Variants in BASP1 observed in about 807,000 individuals in gnomAD.
BASP1 encodes the protein brain abundant membrane attached signal protein 1, also known as brain acid soluble protein 1.
In BASP1, 1 loss-of-function variant was observed where a neutral mutation model predicts 2.2. The observed-to-expected ratio is 0.46, with a 90% CI of 0.16 to 2.17. The LOEUF (loss-of-function observed/expected upper bound fraction) is 2.17. Among genes scored for constraint, BASP1 ranks in the 30% most tolerant of loss-of-function variants. The pLI, the probability that BASP1 is intolerant of heterozygous loss-of-function variation, is 0.27. For synonymous variants in BASP1, 187 were observed against 154.2 expected, an observed-to-expected ratio of 1.21 and a Z score of -1.58; for missense variants, 352 against 327.2, an observed-to-expected ratio of 1.08 and a Z score of -0.58.
rs1375343599 is a variant in BASP1, at chr5:17,222,385, AAACCACAGCAG to A, written c.-10+4576_-10+4586del. 6.6e-5 allele frequency among the ~76,000 whole-genome samples: 10 copies of A among 152,320 alleles called. No homozygotes were observed. The East Asian group carries it at 1.7e-3, about 26-fold the overall frequency. Reference sequence around the variant, plus strand: ...TTGAGAAAATACAAGGGTAGTCTTGAAACCACAGCAGTGCCCAGCCTGCCAAAGGAAGGCTT... The same window carrying A: ...TTGAGAAAATACAAGGGTAGTCTTGATGCCCAGCCTGCCAAAGGAAGGCTT... On this transcript the variant is annotated intron_variant, in intron 1 of 1. Coordinates refer to ENST00000322611, the MANE Select transcript of BASP1 (RefSeq NM_006317.5).
At chr5:17,249,287 C>A (rs1740054155) in intron 1 of BASP1, among the ~76,000 whole-genome samples, 1 of 152,110 alleles carries the variant, frequency 6.6e-6, no homozygotes, top group East Asian at 1.9e-4. Context: ...CATCCAGAAG[C>A]AAATTTGGTC....
intron 1 of BASP1, among the ~76,000 whole-genome samples, chr5:17,267,896 C>G (rs999084648): frequency 7.3e-6 from 1 of 136,792 alleles, no homozygotes; most frequent in African/African-American, 2.7e-5. Flanking sequence ...GTTGAAATGA[C>G]GTATGAAGAC....
At chr5:17,267,535 C>A (rs977111779) in intron 1 of BASP1, among the ~76,000 whole-genome samples, 1 of 147,704 alleles carries the variant, frequency 6.8e-6, no homozygotes, top group African/African-American at 2.5e-5. Context: ...TTTTTTGAGA[C>A]GAAGTCTTGC....
chr5:17,239,511 A>G (rs931011543), intron 1 of BASP1, among the ~76,000 whole-genome samples: 1 of 152,216 alleles, frequency 6.6e-6, no homozygotes, highest in Non-Finnish European at 1.5e-5. Flanking sequence ...GTGTTAGTAC[A>G]TGGAACAGAA....
At chr5:17,245,126 A>AC (rs1298142520) in intron 1 of BASP1, among the ~76,000 whole-genome samples, 1 of 149,958 alleles carries the variant, frequency 6.7e-6, no homozygotes, top group African/African-American at 2.5e-5. Flanking sequence ...ATATGATGAA[A>AC]CCCCGTCTCT....
rs1740659176 is a variant in BASP1 at position 17,276,213 on chromosome 5, G to C, written c.*313G>C. 1 of 231,694 alleles carries C rather than the reference G, an allele frequency of 4.3e-6. No homozygotes were observed. 14.4% of individuals were successfully genotyped at this position (231,694 alleles called of 1,614,324 possible). On this transcript the variant is annotated 3_prime_UTR_variant, in exon 2 of 2. Transcript: ENST00000322611. ...GGATTTCCAAGATCCGCGTCTGAAAGTGCAGTACATCGTTTGTACCTGAAA... is the reference window on the plus strand; with the variant it reads ...GGATTTCCAAGATCCGCGTCTGAAACTGCAGTACATCGTTTGTACCTGAAA...
At chr5:17,225,209 TACTC>T (rs759751970) in intron 1 of BASP1, among the ~76,000 whole-genome samples, 1 of 152,112 alleles carries the variant, frequency 6.6e-6, no homozygotes, top group Non-Finnish European at 1.5e-5. Context: ...GAGTCACTCT[TACTC>T]ACTGTCTGCA....
At chr5:17,263,180 A>G (rs1055164840) in intron 1 of BASP1, among the ~76,000 whole-genome samples, 3 of 152,126 alleles carry the variant, frequency 2.0e-5, no homozygotes, top group Non-Finnish European at 2.9e-5. Context: ...CTAATTCTGA[A>G]CATCAGAAGT....
At chr5:17,265,691 G>C (rs978084425) in intron 1 of BASP1, among the ~76,000 whole-genome samples, 1 of 152,114 alleles carries the variant, frequency 6.6e-6, no homozygotes, top group Non-Finnish European at 1.5e-5. Flanking sequence ...CAAACAACCT[G>C]TTTAGTAAGT....
intron 1 of BASP1, among the ~76,000 whole-genome samples, chr5:17,250,330 G>A (rs964525035): frequency 7.9e-5 from 12 of 152,184 alleles, no homozygotes; most frequent in Non-Finnish European, 1.3e-4. Flanking sequence ...TAAAAAGTGT[G>A]TTCTTTGATG....
At chr5:17,257,609 C>G (rs1237048308) in intron 1 of BASP1, among the ~76,000 whole-genome samples, 1 of 152,186 alleles carries the variant, frequency 6.6e-6, no homozygotes, top group Non-Finnish European at 1.5e-5. Context: ...GTTGAGTTCA[C>G]TGAGGCTGAC....
At position 17,266,356 on chromosome 5, in the gene BASP1, G is replaced by A. The variant is rs940964511; in HGVS notation, c.-9-8852G>A. ...TGAGAGGCATTTTTTCTGTTCCTTCGCCACCTCTCCCTCCCTTGCTTGCTC... is the reference window on the plus strand; with the variant it reads ...TGAGAGGCATTTTTTCTGTTCCTTCACCACCTCTCCCTCCCTTGCTTGCTC... On this transcript the variant is annotated intron_variant, in intron 1 of 1. Coordinates refer to ENST00000322611, the MANE Select transcript of BASP1 (RefSeq NM_006317.5). 4.6e-5 allele frequency among the ~76,000 whole-genome samples: 7 copies of A among 152,128 alleles called. No homozygotes were observed. In the East Asian group the frequency reaches 1.2e-3, roughly 25 times the overall value.
At chr5:17,259,061 C>A (rs570313460) in intron 1 of BASP1, among the ~76,000 whole-genome samples, 1 of 152,236 alleles carries the variant, frequency 6.6e-6, no homozygotes, top group African/African-American at 2.4e-5. Flanking sequence ...TAAAGATAAA[C>A]CCGAGACTGG....
chr5:17,240,546 G>A (rs1022608113), intron 1 of BASP1: 10 of 151,740 alleles, frequency 6.6e-5, no homozygotes, highest in African/African-American at 2.2e-4. Context: ...ATAAAATAAA[G>A]TAAAATAAAA....
intron 1 of BASP1, among the ~76,000 whole-genome samples, chr5:17,265,244 A>G (rs1425397035): frequency 6.6e-6 from 1 of 152,174 alleles, no homozygotes; most frequent in East Asian, 1.9e-4. Flanking sequence ...GCAAGGTTGC[A>G]TTTTCTGAAG....
intron 1 of BASP1, among the ~76,000 whole-genome samples, chr5:17,263,516 T>C (rs1740359835): frequency 6.6e-6 from 1 of 152,220 alleles, no homozygotes. Flanking sequence ...TTATGCATTT[T>C]GGATTTTTGA....
chr5:17,242,840 A>G (rs1378411868), intron 1 of BASP1, among the ~76,000 whole-genome samples: 1 of 151,368 alleles, frequency 6.6e-6, no homozygotes, highest in Non-Finnish European at 1.5e-5. Flanking sequence ...AAAAAAGTCA[A>G]CTCAGTTTAA....
intron 1 of BASP1, among the ~76,000 whole-genome samples, chr5:17,274,017 T>C (rs752556999): frequency 2.0e-5 from 3 of 152,214 alleles, no homozygotes; most frequent in Non-Finnish European, 2.9e-5. Context: ...GCCATGGTTC[T>C]GGATGAAATT....
chr5:17,251,212 A>G lies in BASP1; in HGVS notation c.-9-23996A>G, dbSNP rs1740096580. On this transcript the variant is annotated intron_variant, in intron 1 of 1. Coordinates refer to ENST00000322611, the MANE Select transcript of BASP1 (RefSeq NM_006317.5). This position sits in a 1 kb window ranked among gnomAD's most constrained non-coding sequence, Gnocchi z 4.0. ...ATATATAATGTGATTATATGTCAAT[A>G]CAAAACCATTAAATATCCCAAATAC... is the stretch of plus-strand genomic sequence containing the variant. Among the ~76,000 whole-genome samples the G allele has an allele frequency of 1.3e-5, 2 of 152,188 alleles. No individual in the cohort carries two copies. Among genetic ancestry groups the G allele is most frequent in the African/African-American group, 4.8e-5 (2 of 41,446 alleles).
Sources: allele counts gnomAD v4.1 joint callset (sites outside exome capture counted in the v4.1 genomes callset), GRCh38; gene constraint gnomAD v4.1.1; non-coding constraint Gnocchi (gnomAD v3.1); transcripts MANE v1.5; gene names NCBI Gene and HGNC (gene_info 2026-07-23, HGNC 2026-07-21).